The following THSD4 variants were observed in gnomAD, a reference collection of about 807,000 sequenced individuals.
THSD4 encodes the protein thrombospondin type-1 domain-containing protein 4.
THSD4 carries 69 observed loss-of-function variants against 119.0 expected under a neutral mutation model. The ratio of observed to expected loss-of-function variants is 0.58; its 90% confidence interval spans 0.48 to 0.71. The LOEUF is 0.71. Ranked by LOEUF, THSD4 falls within the 30% of genes least tolerant of loss-of-function variation. The pLI is 0.00. For synonymous variants in THSD4, 524 were observed against 540.4 expected (o/e 0.97, Z 0.42); for missense variants, 1,393 against 1,391.1 (o/e 1.00, Z -0.02).
intron 8 of THSD4, among the ~76,000 whole-genome samples, chr15:71,666,215 C>G (rs1027652329): frequency 6.6e-6 from 1 of 152,112 alleles, no homozygotes; most frequent in East Asian, 1.9e-4. Flanking sequence ...AGAGATCTTT[C>G]ACCTCCCTGG....
At chr15:71,644,820 T>C (rs1317913748) in intron 7 of THSD4, among the ~76,000 whole-genome samples, 1 of 152,180 alleles carries the variant, frequency 6.6e-6, no homozygotes, top group Non-Finnish European at 1.5e-5. Context: ...AGTATTCAAG[T>C]AGACACTTCC....
intron 4 of THSD4, among the ~76,000 whole-genome samples, chr15:71,237,222 A>C (rs1428708339): frequency 6.6e-6 from 1 of 152,152 alleles, no homozygotes; most frequent in Non-Finnish European, 1.5e-5. Context: ...TGGGAGTAAG[A>C]CAGAACAGTG....
At chr15:71,566,923 T>C (rs2049252481) in intron 7 of THSD4, among the ~76,000 whole-genome samples, 1 of 151,978 alleles carries the variant, frequency 6.6e-6, no homozygotes, top group Admixed American at 6.6e-5. Flanking sequence ...CCCTAAACAC[T>C]TAAACTCACA....
At chr15:71,441,056 C>G (rs1199023515) in intron 7 of THSD4, among the ~76,000 whole-genome samples, 1 of 152,196 alleles carries the variant, frequency 6.6e-6, no homozygotes, top group Non-Finnish European at 1.5e-5. Flanking sequence ...CTCAGAGACA[C>G]AGTCCTCTTA....
chr15:71,349,411 G>A (rs1596357107), intron 6 of THSD4, among the ~76,000 whole-genome samples: 1 of 151,954 alleles, frequency 6.6e-6, no homozygotes. Flanking sequence ...AAGATGACAC[G>A]AGCCTGTTCA....
chr15:71,591,605 T>G (rs1394529478), intron 7 of THSD4, among the ~76,000 whole-genome samples: 3 of 152,146 alleles, frequency 2.0e-5, no homozygotes, highest in Non-Finnish European at 4.4e-5. Context: ...CCTGGTGAAT[T>G]CATGCTGGTG....
rs72761506 is a variant in THSD4 at position 71,328,526 on chromosome 15, C to T, written c.1015+71811C>T. Among the ~76,000 whole-genome samples the T allele has an allele frequency of 7.1e-3, 1,081 of 152,272 alleles. 2 individuals carry two copies. Among genetic ancestry groups the T allele is most frequent in the Middle Eastern group, 0.037 (11 of 294 alleles). On this transcript the variant is annotated intron_variant, in intron 6 of 17. Transcript: ENST00000261862. ...TCAAGCATCCACTATGTTCCAGGTG[C>T]GATTCCAGGCTTCAGAGATAGAACA...
chr15:71,408,872 G>T (rs556111428), intron 6 of THSD4, among the ~76,000 whole-genome samples: 2 of 152,092 alleles, frequency 1.3e-5, no homozygotes, highest in Non-Finnish European at 2.9e-5. Flanking sequence ...AAGGGTTGGG[G>T]GCAGTGGGTA....
chr15:71,498,351 G>T (rs1023043848), intron 7 of THSD4, among the ~76,000 whole-genome samples: 11 of 152,196 alleles, frequency 7.2e-5, no homozygotes, highest in African/African-American at 2.7e-4. Flanking sequence ...CCTTCCTGCT[G>T]TGTAAAGTGC....
intron 7 of THSD4, among the ~76,000 whole-genome samples, chr15:71,581,463 T>G (rs1308279732): frequency 2.0e-5 from 3 of 152,224 alleles, no homozygotes; most frequent in Non-Finnish European, 2.9e-5. Context: ...TTTGCAAATA[T>G]TAGCTTCTAT....
intron 7 of THSD4, among the ~76,000 whole-genome samples, chr15:71,548,097 G>GTTTTT (rs11397800): frequency 2.1e-5 from 3 of 145,710 alleles, no homozygotes; most frequent in Non-Finnish European, 1.5e-5. Flanking sequence ...GTTGGGTACA[G>GTTTTT]TTTTTTTTTT....
chr15:71,489,052 T>G (rs1052055199), intron 7 of THSD4, among the ~76,000 whole-genome samples: 1 of 152,212 alleles, frequency 6.6e-6, no homozygotes, highest in Non-Finnish European at 1.5e-5. Context: ...TCCCATCACC[T>G]TTCTGTTGGC....
chr15:71,712,554 C>T (rs2052537628), intron 8 of THSD4, among the ~76,000 whole-genome samples: 1 of 152,094 alleles, frequency 6.6e-6, no homozygotes, highest in Non-Finnish European at 1.5e-5. Context: ...ACAATAAAAA[C>T]AAGAGCAGAA....
chr15:71,183,551 G>T (rs548827148), intron 3 of THSD4, among the ~76,000 whole-genome samples: 2 of 151,684 alleles, frequency 1.3e-5, no homozygotes, highest in East Asian at 1.9e-4. Context: ...ACAGATAAGG[G>T]GTTTAGAATG....
intron 6 of THSD4, among the ~76,000 whole-genome samples, chr15:71,322,537 A>G (rs1289103608): frequency 6.6e-6 from 1 of 152,240 alleles, no homozygotes; most frequent in African/African-American, 2.4e-5. Context: ...TAGTGGCTTA[A>G]AAACAGCAAT....
chr15:71,457,037 C>T (rs1439880167), intron 7 of THSD4, among the ~76,000 whole-genome samples: 1 of 152,054 alleles, frequency 6.6e-6, no homozygotes, highest in Non-Finnish European at 1.5e-5. Flanking sequence ...CATGAACATC[C>T]ATTAAACAAG....
At chr15:71,602,138 G>A (rs2050022364) in intron 7 of THSD4, among the ~76,000 whole-genome samples, 1 of 151,558 alleles carries the variant, frequency 6.6e-6, no homozygotes, top group African/African-American at 2.4e-5. Flanking sequence ...ATAAAGAACA[G>A]GGGTGGTCTG....
At chr15:71,715,091 C>T (rs1034651901) in intron 8 of THSD4, among the ~76,000 whole-genome samples, 3 of 152,018 alleles carry the variant, frequency 2.0e-5, no homozygotes, top group African/African-American at 7.3e-5. Flanking sequence ...AATAATTAAA[C>T]AGGAATTTGT....
At chr15:71,141,685 T>C (rs1042811322) in intron 2 of THSD4, 129 bp downstream of exon 2, 2 of 1,087,946 alleles carry the variant, frequency 1.8e-6, no homozygotes, top group African/African-American at 3.2e-5. Context: ...ATATAATACG[T>C]CCACTTGTGT....
Sources: gnomAD v4.1 joint callset for allele counts (sites outside exome capture counted in the v4.1 genomes callset) on GRCh38, gnomAD v4.1.1 for gene constraint, MANE v1.5 for transcripts, NCBI Gene and HGNC (gene_info 2026-07-23, HGNC 2026-07-21) for gene names.